Variants in CNTNAP2 observed in about 807,000 individuals in gnomAD.
The protein encoded by CNTNAP2 is contactin-associated protein-like 2.
Under a neutral mutation model 155.2 loss-of-function variants are expected in CNTNAP2, and 98 were observed. The ratio of observed to expected loss-of-function variants is 0.63; its 90% CI spans 0.54 to 0.75. The LOEUF is 0.75. CNTNAP2 is among the 30% of genes least tolerant of loss of function. The pLI is 0.00. For missense variants in CNTNAP2, 1,727 were observed against 1,688.1 expected (o/e 1.02, Z -0.40); for synonymous variants, 651 against 631.2 (o/e 1.03, Z -0.47).
intron 1 of CNTNAP2, among the ~76,000 whole-genome samples, chr7:146,465,540 G>T (rs1278602302): frequency 6.6e-6 from 1 of 152,164 alleles, no homozygotes; most frequent in Non-Finnish European, 1.5e-5. Flanking sequence ...TAGGTGGGCT[G>T]TTCCCTAGTC....
intron 20 of CNTNAP2, among the ~76,000 whole-genome samples, chr7:148,253,039 T>C (rs867343196): frequency 0.066 from 8,158 of 123,654 alleles, 270 homozygotes; most frequent in Non-Finnish European, 0.087. Context: ...GATAGATAGA[T>C]AGATAGATAG....
At chr7:147,037,588 A>G (rs998756731) in intron 3 of CNTNAP2, among the ~76,000 whole-genome samples, 1 of 151,208 alleles carries the variant, frequency 6.6e-6, no homozygotes, top group Non-Finnish European at 1.5e-5. Flanking sequence ...CAGCCTCCTG[A>G]GTAGCTGGGA....
chr7:146,517,657 T>C lies in CNTNAP2; in HGVS notation c.98-256614T>C, dbSNP rs1797560559. On this transcript the variant is annotated intron_variant, in intron 1 of 23. Transcript: ENST00000361727. ...CAGTTGAGTGATATAATTTAATTTG[T>C]ATTTTAAAAGATCACTTTGGCAGGT... Among the ~76,000 whole-genome samples, 4 of 151,910 alleles carry C rather than the reference T, an allele frequency of 2.6e-5. 1 individual carries two copies. In the South Asian group the frequency reaches 8.3e-4, roughly 31 times the overall value.
chr7:146,997,112 A>G (rs913647337), intron 3 of CNTNAP2, among the ~76,000 whole-genome samples: 5 of 152,152 alleles, frequency 3.3e-5, no homozygotes, highest in African/African-American at 1.2e-4. Flanking sequence ...CTTTATCAAC[A>G]GCGTGAAAAC....
intron 3 of CNTNAP2, among the ~76,000 whole-genome samples, chr7:147,038,823 G>A (rs1466512407): frequency 6.6e-6 from 1 of 152,120 alleles, no homozygotes; most frequent in East Asian, 1.9e-4. Context: ...GGATTTTAGT[G>A]CTTTCATTGT....
At chr7:146,992,613 C>T (rs901178855) in intron 3 of CNTNAP2, among the ~76,000 whole-genome samples, 2 of 152,070 alleles carry the variant, frequency 1.3e-5, no homozygotes, top group African/African-American at 4.8e-5. Flanking sequence ...CCGGCTCCAC[C>T]CCATTCTCCC....
intron 12 of CNTNAP2, among the ~76,000 whole-genome samples, chr7:147,576,687 A>G (rs1800401639): frequency 6.6e-6 from 1 of 152,184 alleles, no homozygotes; most frequent in Non-Finnish European, 1.5e-5. Flanking sequence ...TAAGCAACAT[A>G]GGTGAACATC....
At chr7:146,670,029 T>C (rs191969315) in intron 1 of CNTNAP2, among the ~76,000 whole-genome samples, 1 of 152,294 alleles carries the variant, frequency 6.6e-6, no homozygotes, top group Admixed American at 6.5e-5. Flanking sequence ...ATAATAGGCC[T>C]TTTAAAGAAA....
chr7:146,579,148 G>A (rs940432202), intron 1 of CNTNAP2, among the ~76,000 whole-genome samples: 1 of 152,078 alleles, frequency 6.6e-6, no homozygotes. Flanking sequence ...GAGAAATTTC[G>A]GGTCTTGATA....
intron 1 of CNTNAP2, among the ~76,000 whole-genome samples, chr7:146,698,339 C>A (rs1035941166): frequency 6.6e-6 from 1 of 151,982 alleles, no homozygotes; most frequent in Non-Finnish European, 1.5e-5. Flanking sequence ...AAAAGGGAGG[C>A]TTGCTACCGA....
At chr7:146,818,344 G>C (rs181474207) in intron 2 of CNTNAP2, among the ~76,000 whole-genome samples, 9 of 152,204 alleles carry the variant, frequency 5.9e-5, no homozygotes, top group African/African-American at 2.2e-4. Context: ...GATTCAATTT[G>C]CCTGTTAAGT....
chr7:147,468,152 G>A (rs1584751193), intron 10 of CNTNAP2, among the ~76,000 whole-genome samples: 4 of 152,138 alleles, frequency 2.6e-5, no homozygotes, highest in Admixed American at 2.6e-4. Context: ...TTAGTTGGGT[G>A]TAGTGGCACG....
chr7:146,257,265 A>G (rs935878829), intron 1 of CNTNAP2, among the ~76,000 whole-genome samples: 3 of 152,184 alleles, frequency 2.0e-5, no homozygotes, highest in Non-Finnish European at 2.9e-5. Flanking sequence ...CCAGCAACAA[A>G]AAGTACAACT....
At chr7:147,464,928 T>A (rs184750158) in intron 10 of CNTNAP2, among the ~76,000 whole-genome samples, 3 of 152,234 alleles carry the variant, frequency 2.0e-5, no homozygotes, top group East Asian at 1.9e-4. Context: ...TCTCCTGATA[T>A]GTATTTCATT....
chr7:146,998,093 T>C (rs994905077), intron 3 of CNTNAP2, among the ~76,000 whole-genome samples: 1 of 151,970 alleles, frequency 6.6e-6, no homozygotes, highest in African/African-American at 2.4e-5. Flanking sequence ...TAGATATGGG[T>C]TTTTTTCTTT....
intron 1 of CNTNAP2, among the ~76,000 whole-genome samples, chr7:146,125,808 T>G (rs1043150587): frequency 1.3e-5 from 2 of 152,216 alleles, no homozygotes; most frequent in Non-Finnish European, 2.9e-5. Context: ...AGATGTTTAG[T>G]TTTTGGCTAA....
intron 21 of CNTNAP2, among the ~76,000 whole-genome samples, chr7:148,350,647 A>G (rs1373067765): frequency 6.6e-6 from 1 of 152,156 alleles, no homozygotes; most frequent in African/African-American, 2.4e-5. Context: ...TCGTAGTTAT[A>G]TCATTAGTTA....
chr7:147,051,877 A>G (rs961008870), intron 4 of CNTNAP2, among the ~76,000 whole-genome samples: 4 of 152,118 alleles, frequency 2.6e-5, no homozygotes, highest in African/African-American at 9.7e-5. Flanking sequence ...ATGATGCTAC[A>G]TTGCCTATAA....
chr7:146,675,724 C>G (rs1465785367), intron 1 of CNTNAP2, among the ~76,000 whole-genome samples: 2 of 152,230 alleles, frequency 1.3e-5, no homozygotes, highest in Non-Finnish European at 1.5e-5. Context: ...CCTTCACACA[C>G]TTTCACTAGT....
Sources: gnomAD v4.1 joint callset for allele counts (sites outside exome capture counted in the v4.1 genomes callset) on GRCh38, gnomAD v4.1.1 for gene constraint, MANE v1.5 for transcripts, NCBI Gene and HGNC (gene_info 2026-07-23, HGNC 2026-07-21) for gene names.